Variants in CSGALNACT1 observed in about 807,000 individuals in gnomAD.
CSGALNACT1 encodes the protein chondroitin sulfate N-acetylgalactosaminyltransferase 1, also known as beta4GalNAcT-1.
Under a neutral mutation model 51.0 loss-of-function variants are expected in CSGALNACT1, and 52 were observed. The observed-to-expected ratio is 1.02, with a 90% CI of 0.82 to 1.29. CSGALNACT1 has a LOEUF of 1.29. CSGALNACT1 is among the 50% of genes most tolerant of loss of function. CSGALNACT1 has a pLI of 0.00. For synonymous variants in CSGALNACT1, 341 were observed against 254.4 expected (o/e 1.34, Z -3.24); for missense variants, 935 against 679.2 (o/e 1.38, Z -4.19).
intron 1 of CSGALNACT1, among the ~76,000 whole-genome samples, chr8:19,751,622 G>C (rs1472164): frequency 0.93 from 141,320 of 152,240 alleles, 65,761 homozygotes; most frequent in East Asian, 1. Context: ...TGCCCCCACC[G>C]AAATCTCATG....
intron 4 of CSGALNACT1, among the ~76,000 whole-genome samples, chr8:19,474,966 T>C (rs1016269635): frequency 2.0e-5 from 3 of 151,316 alleles, no homozygotes; most frequent in East Asian, 1.9e-4. Context: ...GACCTTGCTA[T>C]GGAAAGGGCT....
intron 3 of CSGALNACT1, among the ~76,000 whole-genome samples, chr8:19,552,468 A>G (rs192912959): frequency 1.3e-5 from 2 of 152,288 alleles, no homozygotes; most frequent in East Asian, 3.9e-4. Context: ...TGCATGCAGA[A>G]AATTATCACT....
chr8:19,515,702 C>G (rs927780756), intron 3 of CSGALNACT1, among the ~76,000 whole-genome samples: 5 of 152,070 alleles, frequency 3.3e-5, no homozygotes, highest in Non-Finnish European at 7.4e-5. Context: ...GGTCAAGAAA[C>G]AGACTCAAGT....
chr8:19,753,218 C>T (rs1348319017), intron 1 of CSGALNACT1, among the ~76,000 whole-genome samples: 6 of 152,082 alleles, frequency 3.9e-5, no homozygotes, highest in East Asian at 1.9e-4. Context: ...TTTTCATGTG[C>T]GCAGAATCCT....
intron 5 of CSGALNACT1, among the ~76,000 whole-genome samples, chr8:19,440,258 C>A (rs1044204039): frequency 6.6e-6 from 1 of 152,078 alleles, no homozygotes; most frequent in Admixed American, 6.6e-5. Context: ...CTGGTTCTTA[C>A]CCCATAAAAA....
intron 3 of CSGALNACT1, among the ~76,000 whole-genome samples, chr8:19,562,607 AT>A (rs1326761895): frequency 3.3e-5 from 5 of 152,208 alleles, no homozygotes; most frequent in Admixed American, 1.3e-4. Context: ...CAACAAAAAA[AT>A]AAACAACCCT....
At chr8:19,577,881 C>A (rs1287049948) in intron 3 of CSGALNACT1, among the ~76,000 whole-genome samples, 1 of 152,136 alleles carries the variant, frequency 6.6e-6, no homozygotes, top group African/African-American at 2.4e-5. Flanking sequence ...ATGGCTGAGC[C>A]AAACTATTGG....
chr8:19,440,196 G>C (rs1168773695), intron 5 of CSGALNACT1, among the ~76,000 whole-genome samples: 2 of 152,166 alleles, frequency 1.3e-5, no homozygotes, highest in Non-Finnish European at 2.9e-5. Context: ...ATCTGCCACA[G>C]TCCTAGCCCA....
chr8:19,715,631 T>C (rs1221887862), intron 1 of CSGALNACT1, among the ~76,000 whole-genome samples: 2 of 152,254 alleles, frequency 1.3e-5, no homozygotes, highest in African/African-American at 4.8e-5. Flanking sequence ...TTTATCTTTT[T>C]CTTGCCTTTT....
intron 8 of CSGALNACT1, among the ~76,000 whole-genome samples, chr8:19,417,683 C>T (rs116495822): frequency 6.6e-6 from 1 of 152,328 alleles, no homozygotes; most frequent in African/African-American, 2.4e-5. Flanking sequence ...GAGCTACCCA[C>T]AGCAAAGAAG....
intron 1 of CSGALNACT1, among the ~76,000 whole-genome samples, chr8:19,653,869 C>T (rs552091256): frequency 3.0e-4 from 45 of 152,206 alleles, no homozygotes; most frequent in African/African-American, 1.1e-3. Context: ...CTATCCAATA[C>T]CTACCCACAT....
intron 1 of CSGALNACT1, among the ~76,000 whole-genome samples, chr8:19,739,131 G>C (rs1247996804): frequency 6.6e-6 from 1 of 151,598 alleles, no homozygotes; most frequent in Non-Finnish European, 1.5e-5. Flanking sequence ...AAATATATAT[G>C]ATATTTAGGG....
chr8:19,502,476 C>T (rs1452245184), intron 4 of CSGALNACT1, among the ~76,000 whole-genome samples: 1 of 152,164 alleles, frequency 6.6e-6, no homozygotes, highest in Non-Finnish European at 1.5e-5. Flanking sequence ...TGCAAGCATG[C>T]CTTGAACTTT....
At chr8:19,561,784 A>G (rs1588367395) in intron 3 of CSGALNACT1, among the ~76,000 whole-genome samples, 1 of 152,210 alleles carries the variant, frequency 6.6e-6, no homozygotes. Flanking sequence ...CAGTGAACCA[A>G]TAGTGAGGAA....
chr8:19,611,234 A>T (rs1196256294), intron 1 of CSGALNACT1, among the ~76,000 whole-genome samples: 1 of 152,246 alleles, frequency 6.6e-6, no homozygotes, highest in Non-Finnish European at 1.5e-5. Context: ...AAACTGAAAA[A>T]GTCATTCTGA....
chr8:19,523,244 C>T (rs1394528778), intron 3 of CSGALNACT1, among the ~76,000 whole-genome samples: 3 of 152,158 alleles, frequency 2.0e-5, no homozygotes, highest in Non-Finnish European at 4.4e-5. Flanking sequence ...TGTTCCTCAA[C>T]AGCATTATCA....
intron 4 of CSGALNACT1, among the ~76,000 whole-genome samples, chr8:19,461,495 C>A (rs1244977235): frequency 8.6e-5 from 13 of 151,878 alleles, no homozygotes. Context: ...CCTATCCGCA[C>A]AGCAGCCACA....
chr8:19,636,766 A>C (rs2056120946), intron 1 of CSGALNACT1, among the ~76,000 whole-genome samples: 1 of 152,122 alleles, frequency 6.6e-6, no homozygotes, highest in African/African-American at 2.4e-5. Context: ...CCTTCTCCCG[A>C]GTTTTGTAAC....
chr8:19,478,320 A>T (rs2070351553), intron 4 of CSGALNACT1, among the ~76,000 whole-genome samples: 1 of 149,208 alleles, frequency 6.7e-6, no homozygotes, highest in African/African-American at 2.5e-5. Flanking sequence ...AGGCTGAGGC[A>T]GGAGAATGGC....
Sources: gnomAD v4.1 joint callset for allele counts (sites outside exome capture counted in the v4.1 genomes callset) on GRCh38, gnomAD v4.1.1 for gene constraint, MANE v1.5 for transcripts, NCBI Gene and HGNC (gene_info 2026-07-23, HGNC 2026-07-21) for gene names.